The following CLVS1 variants were observed in gnomAD, a reference collection of about 807,000 sequenced individuals.
CLVS1 encodes the protein clavesin-1.
A neutral mutation model predicts 33.1 loss-of-function variants in CLVS1; 10 were observed. That is an observed-to-expected ratio of 0.30 (90% CI 0.19 to 0.51). CLVS1 has a LOEUF of 0.51. Among genes scored for constraint, CLVS1 ranks in the 20% least tolerant of loss-of-function variants. The probability of loss-of-function intolerance (pLI) is 0.97; values close to 1 mark genes in which losing one functional copy is unlikely to be tolerated. For missense variants in CLVS1, 343 were observed against 433.4 expected (o/e 0.79, Z 1.85); for synonymous variants, 163 against 166.1 (o/e 0.98, Z 0.14).
intron 2 of CLVS1, among the ~76,000 whole-genome samples, chr8:61,306,104 G>T (rs1810617731): frequency 6.6e-6 from 1 of 152,140 alleles, no homozygotes; most frequent in Admixed American, 6.5e-5. Context: ...GGTCTTTGAG[G>T]AACTGTGACA....
intron 2 of CLVS1, among the ~76,000 whole-genome samples, chr8:61,182,815 A>G (rs373843435): frequency 6.6e-6 from 1 of 152,204 alleles, no homozygotes; most frequent in African/African-American, 2.4e-5. Context: ...CCAAAGGATT[A>G]TAAGTTATTC....
intron 3 of CLVS1, among the ~76,000 whole-genome samples, chr8:61,445,237 T>C (rs1156644203): frequency 6.6e-6 from 1 of 152,220 alleles, no homozygotes; most frequent in Non-Finnish European, 1.5e-5. Context: ...ATGAATGATA[T>C]TGATCTATAA....
chr8:61,126,582 C>A (rs1301270630), intron 1 of CLVS1, among the ~76,000 whole-genome samples: 5 of 152,164 alleles, frequency 3.3e-5, no homozygotes, highest in Non-Finnish European at 7.3e-5. Flanking sequence ...AATAATAAGG[C>A]AAGTTATACT....
chr8:61,488,770 G>C (rs1586049868), intron 5 of CLVS1, among the ~76,000 whole-genome samples: 1 of 152,152 alleles, frequency 6.6e-6, no homozygotes, highest in Admixed American at 6.5e-5. Flanking sequence ...GTTTCATAAA[G>C]AGCAATAAGC....
At chr8:61,277,248 C>T (rs1239008056) in intron 2 of CLVS1, among the ~76,000 whole-genome samples, 1 of 152,190 alleles carries the variant, frequency 6.6e-6, no homozygotes, top group Non-Finnish European at 1.5e-5. Flanking sequence ...TCAAGGTGCA[C>T]AGCTGATGGA....
Position 61,086,035 on chromosome 8 carries a change from C to CA in CLVS1, c.-243+28847dup, listed in dbSNP as rs4033854. Among the ~76,000 whole-genome samples the CA allele has an allele frequency of 8.0e-4, 25 of 31,246 alleles. 5 individuals are homozygous for CA. The highest frequency in any genetic ancestry group is 1.2e-3 in the Non-Finnish European group (23 of 19,202). The allele number at this position is 31,246 out of a possible 152,430, so 20.5% of individuals were successfully genotyped here. A position where few individuals can be genotyped will look rare whatever the true frequency, so the allele number is the denominator to read the frequency against. ...TGGGCGACAGAGCGAGACTCCCTCT[C>CA]AAAAAAAAAAAAAAAAAAAAAAAAA... On this transcript the variant is annotated intron_variant, in intron 1 of 2. Coordinates refer to the CLVS1 transcript ENST00000522621.
the CLVS1 span, among the ~76,000 whole-genome samples, chr8:61,037,644 G>C: frequency 6.6e-6 from 1 of 152,202 alleles, no homozygotes; most frequent in Non-Finnish European, 1.5e-5. Context: ...CTTCAAATTT[G>C]ATAGCAGAAC....
At chr8:61,011,131 G>A in the CLVS1 span, among the ~76,000 whole-genome samples, 9 of 152,206 alleles carry the variant, frequency 5.9e-5, no homozygotes, top group African/African-American at 1.9e-4. Flanking sequence ...CGCTTGTGCA[G>A]ACGAAATTAC....
chr8:61,222,022 G>T (rs1292731694), intron 2 of CLVS1, among the ~76,000 whole-genome samples: 1 of 152,032 alleles, frequency 6.6e-6, no homozygotes, highest in African/African-American at 2.4e-5. Context: ...TTTGTCAGTG[G>T]TGATATCTGC....
intron 5 of CLVS1, among the ~76,000 whole-genome samples, chr8:61,483,256 G>C (rs1490102514): frequency 1.3e-5 from 2 of 152,024 alleles, no homozygotes; most frequent in Non-Finnish European, 2.9e-5. Flanking sequence ...ATGACAAAAA[G>C]GATATCACCA....
intron 2 of CLVS1, among the ~76,000 whole-genome samples, chr8:61,151,132 G>A (rs1369669465): frequency 6.6e-6 from 1 of 152,170 alleles, no homozygotes; most frequent in Non-Finnish European, 1.5e-5. Flanking sequence ...TCTACTTATA[G>A]GCAACAGAAA....
At chr8:61,468,523 G>C (rs942484401) in intron 5 of CLVS1, among the ~76,000 whole-genome samples, 2 of 152,094 alleles carry the variant, frequency 1.3e-5, no homozygotes, top group Admixed American at 6.5e-5. Context: ...TCAGAGACTA[G>C]AGTATAGAAA....
At chr8:61,023,952 C>A in the CLVS1 span, among the ~76,000 whole-genome samples, 1 of 152,120 alleles carries the variant, frequency 6.6e-6, no homozygotes, top group African/African-American at 2.4e-5. Context: ...TGGTGGTGTT[C>A]CGCGCCTCCC....
intron 1 of CLVS1, among the ~76,000 whole-genome samples, chr8:61,123,851 A>G (rs1487188616): frequency 6.6e-6 from 1 of 152,232 alleles, no homozygotes; most frequent in African/African-American, 2.4e-5. Context: ...TCTTTGCAAC[A>G]GTCTGATCAT....
rs147975698 is a variant in CLVS1 at position 61,208,175 on chromosome 8, C to A, written c.-152+76315C>A. On this transcript the variant is annotated intron_variant, in intron 2 of 2. Transcript: ENST00000522621. ...CACACTGATAGATGAAGTAATTTTT[C>A]TCTGTGATCCATCACCAGAACACTT... Among the ~76,000 whole-genome samples, 34 of 152,324 alleles carry A rather than the reference C, an allele frequency of 2.2e-4. No individual in the cohort carries two copies. In the East Asian group the frequency reaches 6.4e-3, roughly 29 times the overall value.
chr8:61,022,119 G>A, the CLVS1 span, among the ~76,000 whole-genome samples: 17 of 152,124 alleles, frequency 1.1e-4, no homozygotes, highest in African/African-American at 2.9e-4. Context: ...ACATTCACAC[G>A]CACACACACT....
At chr8:61,161,385 T>G (rs1343885815) in intron 2 of CLVS1, among the ~76,000 whole-genome samples, 1 of 152,196 alleles carries the variant, frequency 6.6e-6, no homozygotes, top group East Asian at 1.9e-4. Flanking sequence ...GCAGCATTAT[T>G]TACGATAGTG....
the CLVS1 span, among the ~76,000 whole-genome samples, chr8:61,005,413 C>CT: frequency 0.046 from 6,521 of 142,746 alleles, 463 homozygotes; most frequent in African/African-American, 0.15. Context: ...AACAGGGTGG[C>CT]TTTTTTTTTT....
the CLVS1 span, among the ~76,000 whole-genome samples, chr8:60,982,806 T>A: frequency 2.6e-5 from 4 of 152,174 alleles, no homozygotes; most frequent in African/African-American, 4.8e-5. Flanking sequence ...GCATGGTGGC[T>A]CATGCCTGTA....
Sources: allele counts gnomAD v4.1 joint callset (sites outside exome capture counted in the v4.1 genomes callset), GRCh38; gene constraint gnomAD v4.1.1; transcripts MANE v1.5; gene names NCBI Gene and HGNC (gene_info 2026-07-23, HGNC 2026-07-21).